MOK: variants seen among roughly 807,000 people sequenced by gnomAD.
The protein encoded by MOK is MAPK/MAK/MRK overlapping kinase.
A neutral mutation model predicts 54.2 loss-of-function variants in MOK; 59 were observed. The ratio of observed to expected loss-of-function variants is 1.09; its 90% CI spans 0.88 to 1.35. The LOEUF (loss-of-function observed/expected upper bound fraction) is 1.35, where lower values mean the gene tolerates loss of function less well. Among genes scored for constraint, MOK ranks in the 40% most tolerant of loss-of-function variants. The probability of loss-of-function intolerance (pLI) is 0.00; values close to 1 mark genes in which losing one functional copy is unlikely to be tolerated. For missense variants in MOK, 517 were observed against 526.2 expected (o/e 0.98, Z 0.17); for synonymous variants, 210 against 202.7 (o/e 1.04, Z -0.31).
Position 102,236,829 on chromosome 14 carries a change from G to A in MOK, c.591-3040C>T, listed in dbSNP as rs867906575. On this transcript the variant is annotated intron_variant, in intron 7 of 11. Coordinates refer to ENST00000361847, the MANE Select transcript of MOK (RefSeq NM_014226.3). The surrounding 1 kb of genome is among the most constrained non-coding windows in gnomAD (Gnocchi z 4.5). ...ATCACAAACAAGCTCTGTTCACGCC[G>A]TCTTCTTAGGCCAACACGTTCTTCA... is the stretch of plus-strand genomic sequence containing the variant. 6.6e-6 allele frequency among the ~76,000 whole-genome samples: 1 copy of A among 152,058 alleles called. No homozygotes were observed. The highest frequency in any genetic ancestry group is 2.1e-4 in the South Asian group (1 of 4,802).
chr14:102,293,849 G>A (rs192391235), intron 1 of MOK, among the ~76,000 whole-genome samples: 6 of 151,892 alleles, frequency 4.0e-5, no homozygotes, highest in Admixed American at 2.6e-4. Context: ...CTCAATGTTC[G>A]CAATGAATAC....
downstream of MOK, chr14:102,228,760 C>T (rs2064363988): frequency 1.3e-5 from 2 of 152,016 alleles, no homozygotes; most frequent in Non-Finnish European, 2.9e-5. Context: ...CAATTCCCCT[C>T]GTGTGCCCAC....
chr14:102,291,684 C>T (rs918012208), intron 1 of MOK, among the ~76,000 whole-genome samples: 2 of 152,296 alleles, frequency 1.3e-5, no homozygotes, highest in Non-Finnish European at 2.9e-5. Flanking sequence ...CAGCCAAGTG[C>T]GGTGGCTCAC....
In MOK at chr14:102,232,492, C is replaced by T. The variant is rs752688884; in HGVS notation, c.866+43G>A. The stretch of plus-strand genomic sequence containing the variant: ...ACCATGTGCCCATGGGTCTCATTTG[C>T]CAGGTCCTGCATCTGCCCCACCGAA... On this transcript the variant is annotated intron_variant, in intron 9 of 11. Coordinates refer to ENST00000361847, the MANE Select transcript of MOK (RefSeq NM_014226.3). This position sits in a 1 kb window ranked among gnomAD's most constrained non-coding sequence, Gnocchi z 5.1. 3.2e-6 allele frequency: 5 copies of T among 1,582,144 alleles called. No homozygotes were observed. In the East Asian group the frequency reaches 1.1e-4, roughly 36 times the overall value.
rs571131999 is a variant in MOK at position 102,297,770 on chromosome 14, G to A, written c.7+7192C>T. 1.1e-4 allele frequency among the ~76,000 whole-genome samples: 17 copies of A among 152,316 alleles called. No individual in the cohort carries two copies. The South Asian group carries it at 1.2e-3, about 11-fold the overall frequency. On this transcript the variant is annotated intron_variant, in intron 1 of 11. Transcript: ENST00000361847. ...GGTGGGTGTGGGCTCAGCGGGCCCC[G>A]CACTAGGTGCGGCCAGCTGGTGCTG...
At chr14:102,220,642 C>T (rs572836450), downstream of MOK, among the ~76,000 whole-genome samples, 73 of 149,718 alleles carry the variant, frequency 4.9e-4, no homozygotes, top group Non-Finnish European at 7.5e-4. The surrounding 1 kb of genome is among the most constrained non-coding windows in gnomAD (Gnocchi z 4.2). Flanking sequence ...ATCACTTGAA[C>T]CCAGGAGGTG....
chr14:102,255,602 T>C (rs1456225866), intron 4 of MOK, among the ~76,000 whole-genome samples: 2 of 152,126 alleles, frequency 1.3e-5, no homozygotes. Flanking sequence ...GTGGGCCCAG[T>C]AGTCTGAAGT....
At chr14:102,251,868 G>A in intron 5 of MOK, 49 bp downstream of exon 5, 1 of 1,536,130 alleles carries the variant, frequency 6.5e-7, no homozygotes, top group Non-Finnish European at 9.0e-7. Context: ...GAATCTGAAT[G>A]TTAACACATT....
chr14:102,294,730 T>C (rs1199561499), intron 1 of MOK, among the ~76,000 whole-genome samples: 2 of 152,120 alleles, frequency 1.3e-5, no homozygotes, highest in Non-Finnish European at 2.9e-5. Flanking sequence ...CACAATCAAT[T>C]CCAATTTGTG....
chr14:102,299,895 T>C (rs1235334015), intron 1 of MOK, among the ~76,000 whole-genome samples: 1 of 152,136 alleles, frequency 6.6e-6, no homozygotes, highest in Non-Finnish European at 1.5e-5. Context: ...TTTTCTCTTT[T>C]TATAGGTATG....
At chr14:102,227,755 T>G (rs115863338), downstream of MOK, among the ~76,000 whole-genome samples, 797 of 152,116 alleles carry the variant, frequency 5.2e-3, 7 homozygotes, top group African/African-American at 0.018. Context: ...CGCCCTTGCC[T>G]CCTCCTCCAG....
chr14:102,302,203 G>A (rs923521806), intron 1 of MOK, among the ~76,000 whole-genome samples: 1 of 150,438 alleles, frequency 6.6e-6, no homozygotes, highest in Non-Finnish European at 1.5e-5. Context: ...CTCCCAAGTA[G>A]CTGGGATTAC....
chr14:102,232,413 A>T lies in MOK; in HGVS notation c.866+122T>A. 8.4e-7 allele frequency: 1 copy of T among 1,190,856 alleles called. No individual in the cohort carries two copies. Among genetic ancestry groups the T allele is most frequent in the Non-Finnish European group, 1.2e-6 (1 of 850,762 alleles). 73.8% of individuals were successfully genotyped at this position (1,190,856 alleles called of 1,614,324 possible). ...AGAGGCCCTGACCACTCTTCAGGAT[A>T]GAGAGCGCGATTCCCAAGAACCAGG... On this transcript the variant is annotated intron_variant, in intron 9 of 11. Coordinates refer to ENST00000361847, the MANE Select transcript of MOK (RefSeq NM_014226.3). This position sits in a 1 kb window ranked among gnomAD's most constrained non-coding sequence, Gnocchi z 5.1.
At chr14:102,298,218 C>T (rs2071675637) in intron 1 of MOK, among the ~76,000 whole-genome samples, 1 of 152,224 alleles carries the variant, frequency 6.6e-6, no homozygotes, top group East Asian at 1.9e-4. Context: ...CCAATCAGCA[C>T]TCTGTGTCTA....
chr14:102,217,990 C>G, the MOK span, among the ~76,000 whole-genome samples: 39 of 152,256 alleles, frequency 2.6e-4, no homozygotes, highest in African/African-American at 9.4e-4. Context: ...GGCCTTCTCC[C>G]TCTGGGGGAC....
At chr14:102,227,364 C>A (rs1467622340), downstream of MOK, among the ~76,000 whole-genome samples, 1 of 151,622 alleles carries the variant, frequency 6.6e-6, no homozygotes, top group Non-Finnish European at 1.5e-5. Flanking sequence ...CCTTCTGTCC[C>A]CCAGCCCTCC....
At chr14:102,286,619 A>T (rs1202266852) in intron 1 of MOK, among the ~76,000 whole-genome samples, 1 of 152,090 alleles carries the variant, frequency 6.6e-6, no homozygotes. Context: ...TAAAAGAAAA[A>T]AAAATAACTT....
chr14:102,226,241 CTTCT>C (rs1209969498), downstream of MOK: 10 of 658,092 alleles, frequency 1.5e-5, no homozygotes, highest in African/African-American at 1.8e-5. The surrounding 1 kb of genome is among the most constrained non-coding windows in gnomAD (Gnocchi z 4.8). Context: ...TGCCCGGTGT[CTTCT>C]TTAAGGTCAG....
chr14:102,298,845 C>T (rs896483539), intron 1 of MOK, among the ~76,000 whole-genome samples: 1 of 152,214 alleles, frequency 6.6e-6, no homozygotes, highest in Non-Finnish European at 1.5e-5. Flanking sequence ...TGTAGCTTCT[C>T]TCCTGAGGCC....
Sources: gnomAD v4.1 joint callset for allele counts (sites outside exome capture counted in the v4.1 genomes callset) on GRCh38, gnomAD v4.1.1 for gene constraint, Gnocchi (gnomAD v3.1) non-coding constraint, MANE v1.5 for transcripts, NCBI Gene and HGNC (gene_info 2026-07-23, HGNC 2026-07-21) for gene names.